The following FABP7 variants were observed in gnomAD, a reference collection of about 807,000 sequenced individuals.
FABP7 encodes the protein fatty acid-binding protein, brain.
Under a neutral mutation model 14.2 loss-of-function variants are expected in FABP7, and 13 were observed. The observed-to-expected ratio is 0.91, with a 90% CI of 0.59 to 1.45. FABP7 has a LOEUF of 1.45. Ranked by LOEUF, FABP7 falls within the 40% of genes most tolerant of loss-of-function variation. The pLI is 0.00. For missense variants in FABP7, 149 were observed against 157.6 expected, an observed-to-expected ratio of 0.95 and a Z score of 0.29; for synonymous variants, 49 against 51.4, an observed-to-expected ratio of 0.95 and a Z score of 0.20.
At chr6:122,777,643 T>C (rs973758418), upstream of FABP7, among the ~76,000 whole-genome samples, 1 of 152,004 alleles carries the variant, frequency 6.6e-6, no homozygotes, top group African/African-American at 2.4e-5. Flanking sequence ...ATATAAAACA[T>C]TTATGTCCAG....
In FABP7 at chr6:122,783,991, C is replaced by G; in HGVS notation, c.*224C>G. The G allele has an allele frequency of 5.6e-6, 2 of 357,618 alleles. No homozygotes were observed. Among genetic ancestry groups the G allele is most frequent in the South Asian group, 7.0e-5 (1 of 14,298 alleles). 22.2% of individuals were successfully genotyped at this position (357,618 alleles called of 1,614,324 possible). On this transcript the variant is annotated 3_prime_UTR_variant, in exon 4 of 4. Transcript: ENST00000368444. ...TGAATTAAAGTTTTGTCCCCCCCCC[C>G]CTTTTTTTTATAAACAAGTGAATAC...
chr6:122,757,713 C>T, the FABP7 span, among the ~76,000 whole-genome samples: 17 of 151,920 alleles, frequency 1.1e-4, no homozygotes, highest in African/African-American at 1.9e-4. Context: ...AATTTGTACC[C>T]GCTAACCTTG....
the FABP7 span, among the ~76,000 whole-genome samples, chr6:122,761,344 T>A: frequency 1.3e-5 from 2 of 152,150 alleles, no homozygotes; most frequent in Non-Finnish European, 2.9e-5. Context: ...TGATCCAGAG[T>A]AACACTGTGA....
the FABP7 span, among the ~76,000 whole-genome samples, chr6:122,768,238 C>T: frequency 6.6e-6 from 1 of 152,076 alleles, no homozygotes; most frequent in African/African-American, 2.4e-5. Flanking sequence ...ATATGTTGAT[C>T]CACTGGTGAG....
chr6:122,774,222 C>T, the FABP7 span, among the ~76,000 whole-genome samples: 11 of 151,738 alleles, frequency 7.2e-5, no homozygotes, highest in Middle Eastern at 3.4e-3. Context: ...ATTAGCTGGG[C>T]GTGGTGGTGC....
At chr6:122,779,597 C>G (rs1780728618), upstream of FABP7, 1 of 600,164 alleles carries the variant, frequency 1.7e-6, no homozygotes, top group Non-Finnish European at 3.0e-6. Context: ...TTCCCTTCTC[C>G]TCTCTCTGTG....
At chr6:122,753,567 G>A in the FABP7 span, among the ~76,000 whole-genome samples, 8 of 152,090 alleles carry the variant, frequency 5.3e-5, no homozygotes, top group Non-Finnish European at 1.2e-4. Flanking sequence ...CACACAGTGG[G>A]TACTGTCACC....
the FABP7 span, among the ~76,000 whole-genome samples, chr6:122,764,369 C>T: frequency 1.3e-5 from 2 of 151,910 alleles, no homozygotes; most frequent in African/African-American, 2.4e-5. Context: ...AGGGGAACAT[C>T]ACACACCAGG....
chr6:122,779,467 T>G (rs1418716541), upstream of FABP7: 5 of 271,606 alleles, frequency 1.8e-5, no homozygotes, highest in Non-Finnish European at 2.8e-5. Flanking sequence ...ATTGAATCCC[T>G]GCCGAGCTTT....
the FABP7 span, among the ~76,000 whole-genome samples, chr6:122,772,509 C>A: frequency 6.6e-6 from 1 of 152,124 alleles, no homozygotes; most frequent in Non-Finnish European, 1.5e-5. Flanking sequence ...CTTCCACCTC[C>A]TGGGTTCAAG....
chr6:122,763,324 C>T, the FABP7 span, among the ~76,000 whole-genome samples: 1 of 152,150 alleles, frequency 6.6e-6, no homozygotes, highest in Non-Finnish European at 1.5e-5. Flanking sequence ...GCTAGGAAAA[C>T]TGGCTAGCCA....
chr6:122,777,827 A>G (rs1417169619), upstream of FABP7, among the ~76,000 whole-genome samples: 2 of 119,870 alleles, frequency 1.7e-5, no homozygotes, highest in African/African-American at 2.8e-5. Flanking sequence ...TGGGTGAGAG[A>G]GCAAGACCCT....
chr6:122,764,657 G>A, the FABP7 span, among the ~76,000 whole-genome samples: 4 of 152,136 alleles, frequency 2.6e-5, no homozygotes, highest in African/African-American at 9.7e-5. Context: ...GATGTTGTAA[G>A]TCAAAACGAT....
chr6:122,781,288 T>G (rs1301514816), intron 3 of FABP7, 94 bp downstream of exon 3: 2 of 1,558,776 alleles, frequency 1.3e-6, no homozygotes, highest in Middle Eastern at 1.7e-4. Context: ...CCTTCCATTC[T>G]TCCTCCTTCC....
the FABP7 span, among the ~76,000 whole-genome samples, chr6:122,771,262 T>G: frequency 6.6e-6 from 1 of 152,174 alleles, no homozygotes; most frequent in Non-Finnish European, 1.5e-5. Flanking sequence ...ACCTAAAACC[T>G]GCTATTTCAA....
the FABP7 span, among the ~76,000 whole-genome samples, chr6:122,750,629 C>T: frequency 6.6e-6 from 1 of 152,130 alleles, no homozygotes; most frequent in Admixed American, 6.6e-5. Flanking sequence ...GGAGATAAGA[C>T]ATATGTTTAA....
At chr6:122,771,754 T>C in the FABP7 span, among the ~76,000 whole-genome samples, 4 of 152,242 alleles carry the variant, frequency 2.6e-5, no homozygotes, top group African/African-American at 9.6e-5. Flanking sequence ...GAGGCTTAGA[T>C]ACCTTTCTCT....
In FABP7 at chr6:122,781,365, G is replaced by T. The variant is rs1046851595; in HGVS notation, c.348+171G>T. 4.1e-6 allele frequency: 6 copies of T among 1,456,692 alleles called. No homozygotes were observed. The African/African-American group carries it at 7.1e-5, about 17-fold the overall frequency. 90.2% of individuals were successfully genotyped at this position (1,456,692 alleles called of 1,614,324 possible). A position where few individuals can be genotyped will look rare whatever the true frequency, so the allele number is the denominator to read the frequency against. ...ATATGTAAAACAGGGGAAACAAAAA[G>T]ATCCCAGTTAATTTTCTTCTTCAGC... On this transcript the variant is annotated intron_variant, in intron 3 of 3. Transcript: ENST00000368444.
the FABP7 span, among the ~76,000 whole-genome samples, chr6:122,760,087 C>T: frequency 1.4e-4 from 21 of 149,574 alleles, no homozygotes; most frequent in Middle Eastern, 6.9e-3. Flanking sequence ...GGCGACAGAG[C>T]GAGACTCTGA....
Sources: gnomAD v4.1 joint callset for allele counts (sites outside exome capture counted in the v4.1 genomes callset) on GRCh38, gnomAD v4.1.1 for gene constraint, MANE v1.5 for transcripts, NCBI Gene and HGNC (gene_info 2026-07-23, HGNC 2026-07-21) for gene names.